ARHGEF3: variants seen among roughly 807,000 people sequenced by gnomAD.
ARHGEF3 encodes Rho guanine nucleotide exchange factor 3.
Under a neutral mutation model 63.2 loss-of-function variants are expected in ARHGEF3, and 28 were observed. The ratio of observed to expected loss-of-function variants is 0.44; its 90% confidence interval spans 0.33 to 0.61. The LOEUF (loss-of-function observed/expected upper bound fraction) is 0.61. ARHGEF3 is among the 20% of genes least tolerant of loss of function. The pLI is 0.03. For missense variants in ARHGEF3, 533 were observed against 659.3 expected (o/e 0.81, Z 2.10); for synonymous variants, 266 against 254.2 (o/e 1.05, Z -0.44).
chr3:56,916,641 C>T (rs931836543), intron 3 of ARHGEF3, among the ~76,000 whole-genome samples: 3 of 152,204 alleles, frequency 2.0e-5, no homozygotes, highest in Admixed American at 6.5e-5. Context: ...CTGTAAGAGA[C>T]AAACAGTGCT....
At chr3:56,878,213 G>A (rs915783316) in intron 4 of ARHGEF3, among the ~76,000 whole-genome samples, 7 of 152,098 alleles carry the variant, frequency 4.6e-5, no homozygotes, top group Non-Finnish European at 8.8e-5. Flanking sequence ...AGCGTCTCTC[G>A]CCCATTAGAA....
chr3:56,827,995 C>T (rs943497492), intron 4 of ARHGEF3, among the ~76,000 whole-genome samples: 6 of 139,668 alleles, frequency 4.3e-5, no homozygotes, highest in African/African-American at 1.6e-4. Context: ...CAAGATCTTG[C>T]AGGTACTACT....
chr3:56,831,735 G>A (rs987326355), intron 4 of ARHGEF3, among the ~76,000 whole-genome samples: 19 of 152,170 alleles, frequency 1.2e-4, no homozygotes, highest in African/African-American at 4.6e-4. Flanking sequence ...TGGTGTGTAC[G>A]TTCAGAAAAC....
chr3:57,042,694 A>ATT (rs1340824293), intron 1 of ARHGEF3, among the ~76,000 whole-genome samples: 2 of 41,882 alleles, frequency 4.8e-5, no homozygotes, highest in African/African-American at 1.6e-4. Flanking sequence ...ATATATATAT[A>ATT]TATATATTTT....
At chr3:57,047,467 T>C (rs188316911) in intron 1 of ARHGEF3, among the ~76,000 whole-genome samples, 96 of 152,328 alleles carry the variant, frequency 6.3e-4, no homozygotes, top group Admixed American at 1.3e-3. Context: ...TTAGCAGCTA[T>C]AAGATCTTGG....
intron 2 of ARHGEF3, among the ~76,000 whole-genome samples, chr3:56,963,210 T>A (rs192909243): frequency 2.0e-5 from 3 of 151,920 alleles, no homozygotes; most frequent in African/African-American, 7.2e-5. Flanking sequence ...ATTCATGTAC[T>A]AAAAAAAATG....
chr3:56,737,625 T>C (rs566360574), intron 7 of ARHGEF3, among the ~76,000 whole-genome samples: 2 of 152,330 alleles, frequency 1.3e-5, no homozygotes, highest in African/African-American at 4.8e-5. Flanking sequence ...ATGAATAATT[T>C]TATCCGGGAG....
At chr3:57,009,928 C>T (rs1702614491) in intron 2 of ARHGEF3, among the ~76,000 whole-genome samples, 1 of 152,120 alleles carries the variant, frequency 6.6e-6, no homozygotes. Context: ...TCGTCATACC[C>T]ATTTTAAAGA....
intron 3 of ARHGEF3, among the ~76,000 whole-genome samples, chr3:56,935,210 ACTCTGGTGGGG>A (rs1364375475): frequency 6.6e-6 from 1 of 151,310 alleles, no homozygotes; most frequent in Admixed American, 6.6e-5. Flanking sequence ...GTATCTAGCT[ACTCTGGTGGGG>A]CCTTGGAGAA....
intron 4 of ARHGEF3, among the ~76,000 whole-genome samples, chr3:56,874,619 G>C (rs372178287): frequency 6.6e-5 from 10 of 152,182 alleles, no homozygotes; most frequent in African/African-American, 2.2e-4. Flanking sequence ...GCATGCACAT[G>C]ACAGGATAAA....
intron 2 of ARHGEF3, among the ~76,000 whole-genome samples, chr3:57,009,623 A>C (rs1702601990): frequency 1.3e-5 from 2 of 152,188 alleles, no homozygotes; most frequent in African/African-American, 4.8e-5. Context: ...AAAGTGAGCC[A>C]CACTGCTGCG....
At position 56,888,302 on chromosome 3, in the gene ARHGEF3, C is replaced by A. The variant is rs549320022; in HGVS notation, c.130-5948G>T. The stretch of plus-strand genomic sequence containing the variant: ...GAATCTATCCATGTACTGCCCTGGG[C>A]GACAGTCTGGGGACTCAGTCTCTGT... On this transcript the variant is annotated intron_variant, in intron 3 of 12. Coordinates refer to the ARHGEF3 transcript ENST00000338458. 3.9e-5 allele frequency among the ~76,000 whole-genome samples: 6 copies of A among 152,194 alleles called. No individual in the cohort carries two copies. The South Asian group carries it at 1.2e-3, about 32-fold the overall frequency.
chr3:56,752,043 T>C (rs1386955859), intron 4 of ARHGEF3, among the ~76,000 whole-genome samples: 1 of 152,038 alleles, frequency 6.6e-6, no homozygotes, highest in Admixed American at 6.5e-5. Flanking sequence ...GTTTCTGATC[T>C]CATGGAAAAC....
At chr3:56,813,224 A>G (rs1296028820) in intron 4 of ARHGEF3, among the ~76,000 whole-genome samples, 1 of 152,230 alleles carries the variant, frequency 6.6e-6, no homozygotes, top group Admixed American at 6.5e-5. Flanking sequence ...CACACAACAG[A>G]TAGAACCACT....
intron 4 of ARHGEF3, among the ~76,000 whole-genome samples, chr3:56,864,903 A>C (rs1197410858): frequency 6.6e-6 from 1 of 152,186 alleles, no homozygotes; most frequent in African/African-American, 2.4e-5. Flanking sequence ...CCTTTTGTCA[A>C]GAACATGAGA....
At chr3:56,890,596 G>A (rs948935054) in intron 3 of ARHGEF3, among the ~76,000 whole-genome samples, 2 of 152,168 alleles carry the variant, frequency 1.3e-5, no homozygotes, top group African/African-American at 4.8e-5. Context: ...GACCTGGTAC[G>A]CTGCCTGACT....
chr3:56,791,301 T>G (rs2037066584), intron 1 of ARHGEF3, among the ~76,000 whole-genome samples: 1 of 152,058 alleles, frequency 6.6e-6, no homozygotes, highest in South Asian at 2.1e-4. Flanking sequence ...TAGTCCTAGC[T>G]GTAGTCCTAG....
intron 6 of ARHGEF3, among the ~76,000 whole-genome samples, chr3:56,749,160 G>T (rs1207591283): frequency 6.6e-6 from 1 of 152,116 alleles, no homozygotes; most frequent in Admixed American, 6.6e-5. Context: ...ACGAAGTCTG[G>T]CAACAACGGG....
At chr3:56,778,394 T>TC (rs376401198) in intron 1 of ARHGEF3, among the ~76,000 whole-genome samples, 12 of 152,338 alleles carry the variant, frequency 7.9e-5, no homozygotes, top group African/African-American at 2.9e-4. Flanking sequence ...GCTAACTTTT[T>TC]CTGTAAGGGG....
Sources: gnomAD v4.1 joint callset for allele counts (sites outside exome capture counted in the v4.1 genomes callset) on GRCh38, gnomAD v4.1.1 for gene constraint, MANE v1.5 for transcripts, NCBI Gene and HGNC (gene_info 2026-07-23, HGNC 2026-07-21) for gene names.